Variants in KIAA0319 observed in about 807,000 individuals in gnomAD.
KIAA0319 encodes KIAA0319, also known as dyslexia-associated protein KIAA0319.
KIAA0319 carries 83 observed loss-of-function variants against 108.4 expected under a neutral mutation model. The observed-to-expected ratio is 0.77, with a 90% CI of 0.64 to 0.92. The LOEUF is 0.92. Ranked by LOEUF, KIAA0319 falls within the 40% of genes least tolerant of loss-of-function variation. The pLI, the probability that KIAA0319 is intolerant of heterozygous loss-of-function variation, is 0.00. For synonymous variants in KIAA0319, 484 were observed against 510.4 expected, an observed-to-expected ratio of 0.95 and a Z score of 0.70; for missense variants, 1,195 against 1,322.4, an observed-to-expected ratio of 0.90 and a Z score of 1.49.
intron 7 of KIAA0319, 31 bp downstream of exon 7, chr6:24,580,895 A>ATG: frequency 7.1e-7 from 1 of 1,418,324 alleles, no homozygotes; most frequent in South Asian, 1.1e-5. Flanking sequence ...AAATATGTAC[A>ATG]ACAGGAGGTC....
intron 3 of KIAA0319, among the ~76,000 whole-genome samples, chr6:24,594,576 G>A (rs1769136901): frequency 6.7e-6 from 1 of 148,722 alleles, no homozygotes; most frequent in Non-Finnish European, 1.5e-5. Context: ...GCAGTAAGCC[G>A]AGATCATGCC....
At chr6:24,547,965 C>T (rs1304004123) in intron 20 of KIAA0319, among the ~76,000 whole-genome samples, 2 of 151,830 alleles carry the variant, frequency 1.3e-5, no homozygotes, top group African/African-American at 4.8e-5. Context: ...GCCAGGAGTT[C>T]GAGGGTACAG....
In KIAA0319 at chr6:24,588,801, C is replaced by A; in HGVS notation, c.802-16G>T. On this transcript the variant is annotated splice_polypyrimidine_tract_variant and intron_variant, in intron 3 of 20. Coordinates refer to ENST00000378214, the MANE Select transcript of KIAA0319 (RefSeq NM_014809.4). Reference sequence around the variant, plus strand: ...GCATTAGAACCTACGAGATCAATTACAAGGATAAATTGTTATTAAAAAAAA... The same window carrying A: ...GCATTAGAACCTACGAGATCAATTAAAAGGATAAATTGTTATTAAAAAAAA... The A allele has an allele frequency of 6.3e-7, 1 of 1,597,448 alleles. No individual in the cohort carries two copies. The highest frequency in any genetic ancestry group is 8.6e-7 in the Non-Finnish European group (1 of 1,168,060).
chr6:24,580,321 AC>A (rs1766298009), intron 7 of KIAA0319, among the ~76,000 whole-genome samples: 1 of 100,708 alleles, frequency 9.9e-6, no homozygotes, highest in African/African-American at 3.8e-5. Flanking sequence ...TCCCCCCCCC[AC>A]CCCCCATAAC....
intron 2 of KIAA0319, chr6:24,600,753 G>C (rs1039439104): frequency 8.8e-7 from 1 of 1,132,094 alleles, no homozygotes; most frequent in Non-Finnish European, 1.3e-6. Context: ...AGGAAGTCTG[G>C]CCTTTCCAGC....
At chr6:24,586,593 T>G (rs1767534924) in intron 4 of KIAA0319, among the ~76,000 whole-genome samples, 1 of 152,234 alleles carries the variant, frequency 6.6e-6, no homozygotes, top group African/African-American at 2.4e-5. Flanking sequence ...TCCTCTTTCC[T>G]TGTTTTAGTT....
intron 17 of KIAA0319, among the ~76,000 whole-genome samples, chr6:24,557,294 G>A (rs886732875): frequency 2.0e-5 from 3 of 152,178 alleles, no homozygotes; most frequent in Non-Finnish European, 2.9e-5. Flanking sequence ...TTGAGGCCAG[G>A]AGTTTGAGAC....
chr6:24,623,315 A>G (rs1468402587), intron 1 of KIAA0319, among the ~76,000 whole-genome samples: 1 of 152,076 alleles, frequency 6.6e-6, no homozygotes, highest in Non-Finnish European at 1.5e-5. Flanking sequence ...CAGAATTTTC[A>G]TCATCTAGCT....
chr6:24,548,698 T>G (rs1360420883), intron 20 of KIAA0319, among the ~76,000 whole-genome samples: 1 of 152,154 alleles, frequency 6.6e-6, no homozygotes, highest in Non-Finnish European at 1.5e-5. Flanking sequence ...AAAACTGGTT[T>G]GTTTGGAGCA....
chr6:24,553,642 T>C (rs537300564), intron 19 of KIAA0319, among the ~76,000 whole-genome samples: 1 of 152,340 alleles, frequency 6.6e-6, no homozygotes, highest in Admixed American at 6.5e-5. Flanking sequence ...AATGGAGTGC[T>C]TTACAGAGAG....
At chr6:24,606,228 C>T (rs143641476) in intron 1 of KIAA0319, among the ~76,000 whole-genome samples, 71 of 152,276 alleles carry the variant, frequency 4.7e-4, no homozygotes, top group East Asian at 3.3e-3. Flanking sequence ...TGAGTTACTG[C>T]GCCTGGCCGG....
intron 1 of KIAA0319, among the ~76,000 whole-genome samples, chr6:24,623,691 G>A (rs1343026962): frequency 1.3e-5 from 2 of 152,104 alleles, no homozygotes; most frequent in East Asian, 3.9e-4. Context: ...ACAGTTAGAA[G>A]GAATAAGTTC....
chr6:24,605,945 T>A (rs553780707), intron 1 of KIAA0319, among the ~76,000 whole-genome samples: 1 of 152,096 alleles, frequency 6.6e-6, no homozygotes, highest in African/African-American at 2.4e-5. Flanking sequence ...GATGTTTCTT[T>A]TTTTTTTTGA....
chr6:24,612,282 T>C (rs1160426658), intron 1 of KIAA0319, among the ~76,000 whole-genome samples: 1 of 151,698 alleles, frequency 6.6e-6, no homozygotes, highest in Non-Finnish European at 1.5e-5. Flanking sequence ...CGAGACCTCA[T>C]CTCCACAAAA....
chr6:24,559,286 G>A (rs1383386396), intron 16 of KIAA0319, 131 bp from the exon 17 acceptor site: 4 of 913,896 alleles, frequency 4.4e-6, no homozygotes, highest in Non-Finnish European at 6.4e-6. Context: ...CCAAGGACAG[G>A]GGCGTATCTG....
intron 11 of KIAA0319, among the ~76,000 whole-genome samples, chr6:24,571,555 G>A (rs753852934): frequency 4.6e-5 from 7 of 151,916 alleles, no homozygotes; most frequent in Non-Finnish European, 1.0e-4. Flanking sequence ...ATGGTGCCCC[G>A]GGCTCTCTTG....
At chr6:24,571,630 AC>A (rs1202161042) in intron 11 of KIAA0319, among the ~76,000 whole-genome samples, 3 of 151,304 alleles carry the variant, frequency 2.0e-5, no homozygotes, top group Non-Finnish European at 2.9e-5. Flanking sequence ...CCACATCCCT[AC>A]CTCTTTTTCT....
chr6:24,601,814 A>C (rs1419507010), intron 1 of KIAA0319, among the ~76,000 whole-genome samples: 3 of 152,178 alleles, frequency 2.0e-5, no homozygotes, highest in South Asian at 4.1e-4. Flanking sequence ...GTTTATAGAG[A>C]TAGCAATCTG....
rs551573327 is a variant in KIAA0319 at position 24,585,051 on chromosome 6, G to C, written c.995-1349C>G. 9.8e-5 allele frequency among the ~76,000 whole-genome samples: 15 copies of C among 152,288 alleles called. 1 individual carries two copies. In the South Asian group the frequency reaches 2.7e-3, roughly 27 times the overall value. ...ATACATGGCCCACAGAAAAGCTCAGGAAACATGACCCTTACGTCTAGCATA... is the reference window on the plus strand; with the variant it reads ...ATACATGGCCCACAGAAAAGCTCAGCAAACATGACCCTTACGTCTAGCATA... On this transcript the variant is annotated intron_variant, in intron 4 of 20. Coordinates refer to ENST00000378214, the MANE Select transcript of KIAA0319 (RefSeq NM_014809.4).
Sources: gnomAD v4.1 joint callset for allele counts (sites outside exome capture counted in the v4.1 genomes callset) on GRCh38, gnomAD v4.1.1 for gene constraint, MANE v1.5 for transcripts, NCBI Gene and HGNC (gene_info 2026-07-23, HGNC 2026-07-21) for gene names.